Variants in CSGALNACT1 observed in about 807,000 individuals in gnomAD.
The protein encoded by CSGALNACT1 is beta4GalNAcT-1.
CSGALNACT1 carries 52 observed loss-of-function variants against 51.0 expected under a neutral mutation model. The observed-to-expected ratio is 1.02, with a 90% CI of 0.82 to 1.29. The LOEUF (loss-of-function observed/expected upper bound fraction) is 1.29. Ranked by LOEUF, CSGALNACT1 falls within the 50% of genes most tolerant of loss-of-function variation. CSGALNACT1 has a pLI of 0.00. For missense variants in CSGALNACT1, 935 were observed against 679.2 expected, an observed-to-expected ratio of 1.38 and a Z score of -4.19; for synonymous variants, 341 against 254.4, an observed-to-expected ratio of 1.34 and a Z score of -3.24.
intron 5 of CSGALNACT1, among the ~76,000 whole-genome samples, chr8:19,456,695 C>T (rs762326175): frequency 6.7e-6 from 1 of 150,142 alleles, no homozygotes; most frequent in Admixed American, 6.6e-5. Flanking sequence ...AACAATTATG[C>T]GATCATGCAC....
intron 1 of CSGALNACT1, among the ~76,000 whole-genome samples, chr8:19,717,685 TG>T (rs2062887717): frequency 6.6e-6 from 1 of 152,238 alleles, no homozygotes; most frequent in African/African-American, 2.4e-5. Context: ...AGCTCCTGAA[TG>T]GGACTCAGTT....
intron 3 of CSGALNACT1, among the ~76,000 whole-genome samples, chr8:19,507,204 GA>G (rs2077501751): frequency 6.6e-6 from 1 of 152,172 alleles, no homozygotes; most frequent in South Asian, 2.1e-4. Flanking sequence ...ATGAGGATGG[GA>G]GAAGAAGAGA....
At chr8:19,454,848 G>C (rs776268200) in intron 5 of CSGALNACT1, among the ~76,000 whole-genome samples, 56 of 151,862 alleles carry the variant, frequency 3.7e-4, no homozygotes, top group Non-Finnish European at 5.7e-4. Flanking sequence ...TTTAACTTCA[G>C]CGAGATCTCT....
chr8:19,537,109 CT>C (rs1265259917), intron 3 of CSGALNACT1, among the ~76,000 whole-genome samples: 1 of 152,160 alleles, frequency 6.6e-6, no homozygotes, highest in Non-Finnish European at 1.5e-5. Context: ...ATGTCCCTTC[CT>C]TATTAACCTT....
intron 5 of CSGALNACT1, among the ~76,000 whole-genome samples, chr8:19,446,800 C>T (rs1042950552): frequency 6.6e-5 from 10 of 152,252 alleles, no homozygotes; most frequent in Middle Eastern, 3.4e-3. Flanking sequence ...AGGTGTGAGC[C>T]GCCATGTCCG....
rs1353490108 is a variant in CSGALNACT1, at chr8:19,594,667, C to G, written c.-415-3389G>C. Among the ~76,000 whole-genome samples the G allele has an allele frequency of 2.0e-5, 3 of 152,034 alleles. No homozygotes were observed. In the South Asian group the frequency reaches 6.2e-4, roughly 31 times the overall value. ...CAAGCGATTCTCCTGCCTCAGCTTC[C>G]CAAGTAGTTGGGATTACAGGTACAC... On this transcript the variant is annotated intron_variant, in intron 2 of 9. Coordinates refer to ENST00000454498, the Ensembl canonical transcript of CSGALNACT1.
intron 4 of CSGALNACT1, among the ~76,000 whole-genome samples, chr8:19,465,731 T>C (rs927848295): frequency 6.6e-6 from 1 of 152,138 alleles, no homozygotes; most frequent in African/African-American, 2.4e-5. Context: ...CCTGACAACA[T>C]GAAAAGATCT....
At chr8:19,724,495 CAAG>C (rs998948188) in intron 1 of CSGALNACT1, among the ~76,000 whole-genome samples, 55 of 152,312 alleles carry the variant, frequency 3.6e-4, no homozygotes, top group African/African-American at 1.2e-3. Flanking sequence ...CTGATTCTTT[CAAG>C]AAGTCTGTGA....
At position 19,720,604 on chromosome 8, in the gene CSGALNACT1, A is replaced by G. The variant is rs373702262; in HGVS notation, c.-297+37246T>C. ...TTCGAGGAGTGGCTCCCTTCCCCGG[A>G]CAGGGCTAAGGAGTGTGGCTGTGCC... On this transcript the variant is annotated intron_variant, in intron 1 of 1. Coordinates refer to the CSGALNACT1 transcript ENST00000517494. Among the ~76,000 whole-genome samples, 291 of 152,274 alleles carry G rather than the reference A, an allele frequency of 1.9e-3. 4 individuals are homozygous for G. The highest frequency in any genetic ancestry group is 6.8e-3 in the African/African-American group (284 of 41,560).
At chr8:19,710,338 C>A (rs1276580155) in intron 1 of CSGALNACT1, among the ~76,000 whole-genome samples, 1 of 152,146 alleles carries the variant, frequency 6.6e-6, no homozygotes, top group Non-Finnish European at 1.5e-5. Flanking sequence ...CTGCAGTCAT[C>A]TAGTTTGTTT....
intron 8 of CSGALNACT1, among the ~76,000 whole-genome samples, chr8:19,415,927 T>C (rs1375425060): frequency 1.3e-5 from 2 of 152,112 alleles, no homozygotes; most frequent in Admixed American, 1.3e-4. Flanking sequence ...TGTAACACAA[T>C]GGTATTTGTG....
intron 1 of CSGALNACT1, among the ~76,000 whole-genome samples, chr8:19,702,215 T>C (rs1003096481): frequency 6.6e-6 from 1 of 152,088 alleles, no homozygotes; most frequent in African/African-American, 2.4e-5. Flanking sequence ...CCCAAAGGTA[T>C]TCAGTGGATC....
intron 1 of CSGALNACT1, among the ~76,000 whole-genome samples, chr8:19,634,383 G>A (rs1323234800): frequency 6.6e-6 from 1 of 152,118 alleles, no homozygotes; most frequent in African/African-American, 2.4e-5. Flanking sequence ...AATACAAGAG[G>A]CCAGGTGTGG....
At chr8:19,532,951 T>C (rs528791135) in intron 3 of CSGALNACT1, among the ~76,000 whole-genome samples, 1 of 152,346 alleles carries the variant, frequency 6.6e-6, no homozygotes, top group East Asian at 1.9e-4. Context: ...ACTGTCATCT[T>C]TGTCTAAAAT....
intron 3 of CSGALNACT1, among the ~76,000 whole-genome samples, chr8:19,506,924 C>T (rs183268138): frequency 2.0e-5 from 3 of 152,184 alleles, no homozygotes; most frequent in African/African-American, 7.2e-5. Context: ...TCCTTTAGAG[C>T]AGCAAGAATG....
intron 3 of CSGALNACT1, among the ~76,000 whole-genome samples, chr8:19,534,763 A>C (rs1289666187): frequency 6.6e-6 from 1 of 152,232 alleles, no homozygotes; most frequent in Non-Finnish European, 1.5e-5. Flanking sequence ...AGAGGCGTAA[A>C]AATGCCTAGA....
chr8:19,431,772 G>T (rs376883447), intron 6 of CSGALNACT1, among the ~76,000 whole-genome samples: 1 of 151,570 alleles, frequency 6.6e-6, no homozygotes, highest in Non-Finnish European at 1.5e-5. Context: ...GTAGAAATCA[G>T]CAGCGAAGCC....
At position 19,481,233 on chromosome 8, in the gene CSGALNACT1, G is replaced by T. The variant is rs551379245; in HGVS notation, c.635-22591C>A. ...AGTCTTCTCATTTCCTGAATGCCTT[G>T]TGCCCATCGACCTCTGTGCCCTGGG... On this transcript the variant is annotated intron_variant, in intron 4 of 9. Transcript: ENST00000454498. Among the ~76,000 whole-genome samples, 62 of 152,050 alleles carry T rather than the reference G, an allele frequency of 4.1e-4. 1 individual carries two copies. The South Asian group carries it at 6.3e-3, about 15-fold the overall frequency.
intron 1 of CSGALNACT1, among the ~76,000 whole-genome samples, chr8:19,744,869 C>T (rs2064551107): frequency 6.6e-6 from 1 of 152,214 alleles, no homozygotes; most frequent in East Asian, 1.9e-4. Context: ...ATACTTGCCA[C>T]ACTTTTGGGA....
Sources: allele counts gnomAD v4.1 joint callset (sites outside exome capture counted in the v4.1 genomes callset), GRCh38; gene constraint gnomAD v4.1.1; transcripts MANE v1.5; gene names NCBI Gene and HGNC (gene_info 2026-07-23, HGNC 2026-07-21).